RILPL1: variants seen among roughly 807,000 people sequenced by gnomAD.
The protein encoded by RILPL1 is RILP-like protein 1.
RILPL1 carries 33 observed loss-of-function variants against 50.3 expected under a neutral mutation model. The observed-to-expected ratio is 0.66, with a 90% confidence interval of 0.50 to 0.88. The LOEUF (loss-of-function observed/expected upper bound fraction) is 0.88. Ranked by LOEUF, RILPL1 falls within the 40% of genes least tolerant of loss-of-function variation. The pLI, the probability that RILPL1 is intolerant of heterozygous loss-of-function variation, is 0.00. For missense variants in RILPL1, 418 were observed against 542.5 expected (o/e 0.77, Z 2.28); for synonymous variants, 205 against 228.6 (o/e 0.90, Z 0.93).
Position 123,499,656 on chromosome 12 carries a change from C to T in RILPL1, c.461-120G>A. On this transcript the variant is annotated intron_variant, in intron 2 of 6. Transcript: ENST00000376874. ...GGCCCCCCGGCCTCCTCCCCAGCCT[C>T]ATCCTCTCCACTCTCCACTCACGCC... 3 of 724,346 alleles carry T rather than the reference C, an allele frequency of 4.1e-6. No homozygotes were observed. The Admixed American group carries it at 6.2e-5, about 15-fold the overall frequency. 44.9% of individuals were successfully genotyped at this position (724,346 alleles called of 1,614,324 possible). A position where few individuals can be genotyped will look rare whatever the true frequency, so the allele number is the denominator to read the frequency against.
chr12:123,487,261 G>A (rs1025916149), intron 4 of RILPL1, among the ~76,000 whole-genome samples: 18 of 151,950 alleles, frequency 1.2e-4, no homozygotes, highest in African/African-American at 2.9e-4. Flanking sequence ...CACTTAGCAC[G>A]GTGTTTCCAA....
At position 123,524,852 on chromosome 12, in the gene RILPL1, G is replaced by A. The variant is rs553202418; in HGVS notation, c.310-1207C>T. ...TGAAAATGTTCTAAGATTGATAGTG[G>A]CAGGGCGTGGTGGCTCACGCCTGGA... On this transcript the variant is annotated intron_variant, in intron 1 of 6. Transcript: ENST00000376874. Among the ~76,000 whole-genome samples, 6 of 146,468 alleles carry A rather than the reference G, an allele frequency of 4.1e-5. No individual in the cohort carries two copies. The Admixed American group carries it at 4.2e-4, about 10-fold the overall frequency.
chr12:123,476,728 C>T lies in RILPL1; in HGVS notation c.1068-4046G>A, dbSNP rs983585677. ...GAGCTGACCCTGCTGACGCCTTTAT[C>T]GTGGCCTTCTGGCCTCCGGAAGTGG... On this transcript the variant is annotated intron_variant, in intron 6 of 6. Transcript: ENST00000376874. 3.9e-5 allele frequency among the ~76,000 whole-genome samples: 6 copies of T among 152,166 alleles called. No individual in the cohort carries two copies. The East Asian group carries it at 5.8e-4, about 15-fold the overall frequency.
intron 2 of RILPL1, among the ~76,000 whole-genome samples, chr12:123,502,434 T>A (rs1025834597): frequency 6.6e-6 from 1 of 152,254 alleles, no homozygotes; most frequent in Non-Finnish European, 1.5e-5. Flanking sequence ...CTTCATGGCT[T>A]TCCCGGGTTC....
At chr12:123,517,514 C>T (rs888906698) in intron 2 of RILPL1, among the ~76,000 whole-genome samples, 8 of 151,276 alleles carry the variant, frequency 5.3e-5, no homozygotes, top group African/African-American at 9.7e-5. Context: ...CTCCGCTTTC[C>T]GGGCTCAAGC....
chr12:123,516,267 C>T (rs1211056082), intron 2 of RILPL1, among the ~76,000 whole-genome samples: 1 of 152,202 alleles, frequency 6.6e-6, no homozygotes, highest in African/African-American at 2.4e-5. Flanking sequence ...CGTGTTTACA[C>T]CACTGCTCTT....
intron 2 of RILPL1, among the ~76,000 whole-genome samples, chr12:123,504,650 A>C (rs1054279853): frequency 5.9e-5 from 9 of 152,110 alleles, no homozygotes; most frequent in South Asian, 2.1e-4. Flanking sequence ...AGGAAGGATA[A>C]ACTGCTTTAC....
At chr12:123,487,385 C>G (rs1172258307) in intron 4 of RILPL1, among the ~76,000 whole-genome samples, 1 of 152,190 alleles carries the variant, frequency 6.6e-6, no homozygotes, top group Non-Finnish European at 1.5e-5. Context: ...TCACTTCAAC[C>G]TCTGCCTCCT....
At chr12:123,529,274 T>C (rs1048498214) in intron 1 of RILPL1, among the ~76,000 whole-genome samples, 4 of 152,192 alleles carry the variant, frequency 2.6e-5, no homozygotes, top group Non-Finnish European at 4.4e-5. Flanking sequence ...TTTTATTTTC[T>C]TTATGGCACT....
At chr12:123,494,118 CCT>C (rs1305397115) in intron 4 of RILPL1, among the ~76,000 whole-genome samples, 2 of 152,148 alleles carry the variant, frequency 1.3e-5, no homozygotes, top group African/African-American at 2.4e-5. Context: ...CAAGCCCTCC[CCT>C]GATCTTATAC....
chr12:123,475,905 T>A (rs1170322931), intron 6 of RILPL1: 117 of 355,488 alleles, frequency 3.3e-4, no homozygotes, highest in East Asian at 2.1e-3. Context: ...AAATTTTTTT[T>A]TTTTTTTTTT....
At chr12:123,479,072 C>T (rs1179194601) in intron 6 of RILPL1, among the ~76,000 whole-genome samples, 1 of 152,082 alleles carries the variant, frequency 6.6e-6, no homozygotes, top group East Asian at 1.9e-4. Flanking sequence ...AGACAAGGGG[C>T]CACCACCAGA....
intron 4 of RILPL1, among the ~76,000 whole-genome samples, chr12:123,496,714 G>A (rs545415056): frequency 1.3e-5 from 2 of 152,300 alleles, no homozygotes; most frequent in Non-Finnish European, 2.9e-5. Context: ...CAGGATGAAC[G>A]ATCTCACCCT....
chr12:123,530,577 T>C (rs1885411004), intron 1 of RILPL1, among the ~76,000 whole-genome samples: 1 of 152,250 alleles, frequency 6.6e-6, no homozygotes, highest in African/African-American at 2.4e-5. Flanking sequence ...TCATGGTCAT[T>C]ACTGTCTTCC....
chr12:123,495,818 C>T (rs1246340759), intron 4 of RILPL1, among the ~76,000 whole-genome samples: 8 of 150,698 alleles, frequency 5.3e-5, no homozygotes, highest in Admixed American at 4.7e-4. Flanking sequence ...GTAGCTGGGA[C>T]TACAGGCGCA....
At chr12:123,480,516 A>T (rs1881900426) in intron 6 of RILPL1, among the ~76,000 whole-genome samples, 1 of 152,046 alleles carries the variant, frequency 6.6e-6, no homozygotes, top group Non-Finnish European at 1.5e-5. Flanking sequence ...GCAGAACACA[A>T]GTCTCTTGAT....
intron 5 of RILPL1, 93 bp from the exon 6 acceptor site, chr12:123,484,365 G>T: frequency 2.3e-6 from 2 of 880,162 alleles, no homozygotes; most frequent in Admixed American, 3.9e-5. Context: ...GTCTGAGAGG[G>T]TGCATGCTTT....
chr12:123,494,629 C>CTAGG, intron 4 of RILPL1, among the ~76,000 whole-genome samples: 1 of 152,300 alleles, frequency 6.6e-6, no homozygotes, highest in East Asian at 1.9e-4. Flanking sequence ...AAGGGGCACA[C>CTAGG]TAGGAGCAGG....
In RILPL1 at chr12:123,485,835, T is replaced by C; in HGVS notation, c.802-30A>G. The C allele has an allele frequency of 6.4e-7, 1 of 1,574,480 alleles. No homozygotes were observed. The highest frequency in any genetic ancestry group is 8.6e-7 in the Non-Finnish European group (1 of 1,162,590). On this transcript the variant is annotated intron_variant, in intron 4 of 6. Transcript: ENST00000376874. This position sits in a 1 kb window ranked among gnomAD's most constrained non-coding sequence, Gnocchi z 4.0. ...AGGAGGCAGAGATGCTGCTAATGAA[T>C]TCTTGGCAGCCACTGCCAGCACCCA...
Sources: gnomAD v4.1 joint callset for allele counts (sites outside exome capture counted in the v4.1 genomes callset) on GRCh38, gnomAD v4.1.1 for gene constraint, Gnocchi (gnomAD v3.1) non-coding constraint, MANE v1.5 for transcripts, NCBI Gene and HGNC (gene_info 2026-07-23, HGNC 2026-07-21) for gene names.